Variants in APBB2 observed in about 807,000 individuals in gnomAD.
The protein encoded by APBB2 is Fe65-like 1.
In APBB2, 38 loss-of-function variants were observed where a neutral mutation model predicts 82.5. The observed-to-expected ratio is 0.46, with a 90% CI of 0.36 to 0.60. The LOEUF is 0.60. Ranked by LOEUF, APBB2 falls within the 20% of genes least tolerant of loss-of-function variation. The pLI, the probability that APBB2 is intolerant of heterozygous loss-of-function variation, is 0.00. For synonymous variants in APBB2, 341 were observed against 368.2 expected, an observed-to-expected ratio of 0.93 and a Z score of 0.85; for missense variants, 772 against 972.3, an observed-to-expected ratio of 0.79 and a Z score of 2.74.
chr4:41,107,233 C>T (rs1381797139), intron 2 of APBB2, among the ~76,000 whole-genome samples: 2 of 152,060 alleles, frequency 1.3e-5, no homozygotes, highest in East Asian at 3.9e-4. Context: ...ATCTCTTGAA[C>T]CTGGGAGACG....
chr4:40,822,962 A>G (rs1239165813), intron 16 of APBB2, among the ~76,000 whole-genome samples: 1 of 152,170 alleles, frequency 6.6e-6, no homozygotes, highest in East Asian at 1.9e-4. Context: ...CAGTGTGGCC[A>G]GCTGGAGGCA....
intron 3 of APBB2, among the ~76,000 whole-genome samples, chr4:41,072,604 T>C (rs1194845098): frequency 6.6e-6 from 1 of 152,230 alleles, no homozygotes; most frequent in African/African-American, 2.4e-5. Flanking sequence ...TGTGATGCCT[T>C]TTTTGTTTAT....
At chr4:41,051,636 G>C (rs995057049) in intron 4 of APBB2, among the ~76,000 whole-genome samples, 2 of 152,050 alleles carry the variant, frequency 1.3e-5, no homozygotes, top group Non-Finnish European at 2.9e-5. Flanking sequence ...TCATTTCCAC[G>C]GTCGCCTCTA....
intron 6 of APBB2, among the ~76,000 whole-genome samples, chr4:40,993,754 C>T (rs4861351): frequency 0.14 from 20,519 of 151,972 alleles, 1,443 homozygotes; most frequent in Admixed American, 0.18. Context: ...ATGTTTTCCA[C>T]GTTTTTCATT....
intron 4 of APBB2, among the ~76,000 whole-genome samples, chr4:41,047,931 C>G (rs552957036): frequency 6.6e-6 from 1 of 152,234 alleles, no homozygotes; most frequent in African/African-American, 2.4e-5. Context: ...ATCCCTGGAT[C>G]TCTCCTCTTT....
chr4:41,123,168 T>A (rs1222775904), intron 2 of APBB2, among the ~76,000 whole-genome samples: 1 of 152,018 alleles, frequency 6.6e-6, no homozygotes, highest in Non-Finnish European at 1.5e-5. Flanking sequence ...GTGCTTACGA[T>A]CCATCTCCTC....
chr4:40,988,105 G>A (rs999551716), intron 6 of APBB2, among the ~76,000 whole-genome samples: 1 of 152,108 alleles, frequency 6.6e-6, no homozygotes, highest in Non-Finnish European at 1.5e-5. Context: ...AGAAACAAAT[G>A]GTCACCATGA....
At chr4:41,155,320 G>A (rs1162344730) in intron 1 of APBB2, among the ~76,000 whole-genome samples, 2 of 152,166 alleles carry the variant, frequency 1.3e-5, no homozygotes, top group Non-Finnish European at 2.9e-5. Context: ...TTGATTCAGA[G>A]AGAAACAGAA....
intron 1 of APBB2, among the ~76,000 whole-genome samples, chr4:41,212,883 T>C (rs1279590680): frequency 2.0e-5 from 3 of 152,166 alleles, no homozygotes; most frequent in African/African-American, 7.2e-5. Context: ...TTCTAGGATG[T>C]TGCAAGTTAT....
At chr4:40,867,007 C>T (rs375037833) in intron 12 of APBB2, among the ~76,000 whole-genome samples, 10 of 152,218 alleles carry the variant, frequency 6.6e-5, no homozygotes, top group Non-Finnish European at 1.2e-4. Flanking sequence ...CTGCCTGCCT[C>T]GGCCTCCCAA....
At chr4:41,070,580 G>GCTCA (rs1384641794) in intron 3 of APBB2, among the ~76,000 whole-genome samples, 4 of 152,194 alleles carry the variant, frequency 2.6e-5, no homozygotes, top group African/African-American at 9.6e-5. Context: ...GGGACTACAG[G>GCTCA]CGTGAGCCAC....
chr4:40,845,853 C>T (rs1246980853), intron 12 of APBB2, among the ~76,000 whole-genome samples: 1 of 152,026 alleles, frequency 6.6e-6, no homozygotes, highest in East Asian at 1.9e-4. Flanking sequence ...GCCTTTTGAG[C>T]ACACATCACA....
At chr4:40,824,017 C>T (rs554618107) in intron 15 of APBB2, among the ~76,000 whole-genome samples, 4 of 152,044 alleles carry the variant, frequency 2.6e-5, no homozygotes, top group Non-Finnish European at 5.9e-5. Flanking sequence ...CTGGCCAACA[C>T]GGTGAAACCC....
At chr4:41,123,018 T>C (rs561107914) in intron 2 of APBB2, among the ~76,000 whole-genome samples, 203 of 152,302 alleles carry the variant, frequency 1.3e-3, no homozygotes, top group African/African-American at 4.7e-3. Context: ...TGAGTCTTCA[T>C]GTCACAAATT....
At chr4:41,031,389 C>G (rs1447215274) in intron 5 of APBB2, among the ~76,000 whole-genome samples, 1 of 152,088 alleles carries the variant, frequency 6.6e-6, no homozygotes, top group Non-Finnish European at 1.5e-5. Context: ...TTTGAATTTT[C>G]AAGTGAAAAA....
intron 4 of APBB2, among the ~76,000 whole-genome samples, chr4:41,051,202 G>A (rs1176140532): frequency 6.6e-6 from 1 of 152,162 alleles, no homozygotes; most frequent in Non-Finnish European, 1.5e-5. Flanking sequence ...AGATTCTTAA[G>A]CTGGGAAGGG....
chr4:41,038,652 C>T (rs1720180915), intron 4 of APBB2, among the ~76,000 whole-genome samples: 1 of 152,204 alleles, frequency 6.6e-6, no homozygotes, highest in Admixed American at 6.5e-5. Flanking sequence ...ATCCTCTTTA[C>T]CTTCAAATAG....
chr4:40,948,889 C>CAAA (rs1789234875), intron 6 of APBB2, among the ~76,000 whole-genome samples: 2 of 24,480 alleles, frequency 8.2e-5, no homozygotes, highest in Non-Finnish European at 7.4e-5. Flanking sequence ...GATCCTGTCT[C>CAAA]CAAAAAAAAA....
chr4:40,892,939 T>A (rs1772463990), intron 11 of APBB2: 1 of 208,708 alleles, frequency 4.8e-6, no homozygotes, highest in African/African-American at 2.3e-5. Context: ...CTTCTTCCAG[T>A]CTGCAAAACT....
Sources: allele counts gnomAD v4.1 joint callset (sites outside exome capture counted in the v4.1 genomes callset), GRCh38; gene constraint gnomAD v4.1.1; transcripts MANE v1.5; gene names NCBI Gene and HGNC (gene_info 2026-07-23, HGNC 2026-07-21).